IQSEC1: variants seen among roughly 807,000 people sequenced by gnomAD.
IQSEC1 encodes IQ motif and Sec7 domain ArfGEF 1.
A neutral mutation model predicts 91.0 loss-of-function variants in IQSEC1; 31 were observed. The observed-to-expected ratio is 0.34, with a 90% CI of 0.26 to 0.46. The LOEUF is 0.46. Ranked by LOEUF, IQSEC1 falls within the 20% of genes least tolerant of loss-of-function variation. IQSEC1 has a pLI of 1.00. For synonymous variants in IQSEC1, 699 were observed against 662.6 expected, an observed-to-expected ratio of 1.05 and a Z score of -0.84; for missense variants, 1,388 against 1,575.6, an observed-to-expected ratio of 0.88 and a Z score of 2.02.
chr3:12,937,021 C>T (rs901536588), intron 2 of IQSEC1, among the ~76,000 whole-genome samples: 1 of 152,066 alleles, frequency 6.6e-6, no homozygotes, highest in Non-Finnish European at 1.5e-5. Flanking sequence ...CAACCTCCGC[C>T]TCCTGGGTTC....
chr3:13,046,554 C>A (rs549320299), intron 1 of IQSEC1, among the ~76,000 whole-genome samples: 1 of 152,232 alleles, frequency 6.6e-6, no homozygotes, highest in Admixed American at 6.5e-5. Flanking sequence ...GGCCTACGAC[C>A]TTGTGAGTCT....
At position 13,147,145 on chromosome 3, in the gene IQSEC1, T is replaced by C. The variant is rs140819035; in HGVS notation, c.302+16959A>G. Reference sequence around the variant, plus strand: ...AGGCCTGCCCATGCCAAGCCACTGCTGCTGTCCTTTTAATGTTGTTATTAT... The same window carrying C: ...AGGCCTGCCCATGCCAAGCCACTGCCGCTGTCCTTTTAATGTTGTTATTAT... On this transcript the variant is annotated intron_variant, in intron 2 of 15. Coordinates refer to the IQSEC1 transcript ENST00000648114. Among the ~76,000 whole-genome samples the C allele has an allele frequency of 5.2e-3, 793 of 152,092 alleles. 9 individuals are homozygous for C. Among genetic ancestry groups the C allele is most frequent in the African/African-American group, 0.018 (760 of 41,318 alleles).
rs562857427 is a variant in IQSEC1, at chr3:13,193,404, G to A, written c.273-29271C>T. Among the ~76,000 whole-genome samples the A allele has an allele frequency of 6.6e-6, 1 of 152,346 alleles. No homozygotes were observed. The highest frequency in any genetic ancestry group is 1.5e-5 in the Non-Finnish European group (1 of 68,026). ...TTTTAAACTAGGAAGGTAAAGATCA[G>A]AGGTGGCTTGGAAAGAGCTCTCTGG... is the stretch of plus-strand genomic sequence containing the variant. On this transcript the variant is annotated intron_variant, in intron 1 of 15. Coordinates refer to the IQSEC1 transcript ENST00000648114. The surrounding 1 kb of genome is among the most constrained non-coding windows in gnomAD (Gnocchi z 4.2).
chr3:13,154,438 CAT>C (rs774589168), intron 2 of IQSEC1, among the ~76,000 whole-genome samples: 389 of 20,746 alleles, frequency 0.019, 36 homozygotes, highest in South Asian at 0.11. Flanking sequence ...AACTTACATG[CAT>C]ATATATATAT....
chr3:13,236,788 C>T (rs973096669), intron 1 of IQSEC1, among the ~76,000 whole-genome samples: 10 of 152,238 alleles, frequency 6.6e-5, no homozygotes, highest in African/African-American at 2.2e-4. Context: ...TGCCATCAGC[C>T]TCCAGCTGGC....
intron 2 of IQSEC1, among the ~76,000 whole-genome samples, chr3:13,134,352 G>A (rs1378368990): frequency 2.0e-5 from 3 of 152,234 alleles, no homozygotes; most frequent in Middle Eastern, 3.2e-3. Context: ...CCATACAGTG[G>A]GAGCCAGAGA....
rs1261655988 is a variant in IQSEC1, at chr3:12,924,189, T to C, written c.1730+392A>G. On this transcript the variant is annotated intron_variant, in intron 4 of 13. Coordinates refer to ENST00000613206, the MANE Select transcript of IQSEC1 (RefSeq NM_001134382.3). This position sits in a 1 kb window ranked among gnomAD's most constrained non-coding sequence, Gnocchi z 6.3. ...ACAGCCAGGCCAGGGGAAGAGGCCCTGACGTCCAGCTGCCTGCTCCTGCCA... is the reference window on the plus strand; with the variant it reads ...ACAGCCAGGCCAGGGGAAGAGGCCCCGACGTCCAGCTGCCTGCTCCTGCCA... 1.3e-5 allele frequency among the ~76,000 whole-genome samples: 2 copies of C among 152,156 alleles called. No individual in the cohort carries two copies. Among genetic ancestry groups the C allele is most frequent in the African/African-American group, 4.8e-5 (2 of 41,422 alleles).
intron 2 of IQSEC1, among the ~76,000 whole-genome samples, chr3:13,092,425 C>T (rs1705878819): frequency 6.6e-6 from 1 of 152,110 alleles, no homozygotes; most frequent in Non-Finnish European, 1.5e-5. Context: ...ACGCTGTTGA[C>T]CTGGCTCCTT....
intron 1 of IQSEC1, among the ~76,000 whole-genome samples, chr3:13,059,973 G>A (rs1705008675): frequency 6.6e-6 from 1 of 152,234 alleles, no homozygotes; most frequent in Non-Finnish European, 1.5e-5. Flanking sequence ...TTGGTGACGT[G>A]CTCAGCACTG....
chr3:13,028,903 G>GTCCT (rs1703733761), intron 1 of IQSEC1, among the ~76,000 whole-genome samples: 1 of 152,330 alleles, frequency 6.6e-6, no homozygotes, highest in South Asian at 2.1e-4. Flanking sequence ...CGGATCAGAA[G>GTCCT]TCCTGATTCT....
chr3:13,180,755 C>G (rs941222153), intron 1 of IQSEC1, among the ~76,000 whole-genome samples: 1 of 147,464 alleles, frequency 6.8e-6, no homozygotes, highest in African/African-American at 2.7e-5. Context: ...CCAGACGTGC[C>G]GCCTTAAGAG....
At chr3:13,170,997 G>A (rs1693596390) in intron 1 of IQSEC1, among the ~76,000 whole-genome samples, 1 of 152,174 alleles carries the variant, frequency 6.6e-6, no homozygotes, top group Non-Finnish European at 1.5e-5. Context: ...CTACTTGGGA[G>A]GCTGAGGCAG....
At chr3:12,927,342 G>A (rs1034681272) in intron 3 of IQSEC1, among the ~76,000 whole-genome samples, 3 of 151,746 alleles carry the variant, frequency 2.0e-5, no homozygotes, top group Admixed American at 2.0e-4. Flanking sequence ...CCACGGCAGT[G>A]AGTGGGGGAG....
intron 1 of IQSEC1, among the ~76,000 whole-genome samples, chr3:13,180,296 A>C (rs1238873069): frequency 1.3e-5 from 2 of 152,318 alleles, no homozygotes; most frequent in African/African-American, 4.8e-5. Context: ...CCCTGTGTCT[A>C]GCTCAGGGTT....
At position 12,908,055 on chromosome 3, in the gene IQSEC1, CA is replaced by C. The variant is rs1302830278; in HGVS notation, c.2755+293del. On this transcript the variant is annotated intron_variant, in intron 12 of 13. Transcript: ENST00000613206. This position sits in a 1 kb window ranked among gnomAD's most constrained non-coding sequence, Gnocchi z 4.9. ...CTCGGGCTAGAGCGACTTCCCAGAT[CA>C]ATAAACAAGTAAATAAAACCCCTGG... Among the ~76,000 whole-genome samples, 2 of 152,200 alleles carry C rather than the reference CA, an allele frequency of 1.3e-5. No individual in the cohort carries two copies. Among genetic ancestry groups the C allele is most frequent in the Non-Finnish European group, 2.9e-5 (2 of 68,030 alleles).
Position 12,924,578 on chromosome 3 carries a change from T to TA in IQSEC1, c.1730+2dup. 6.3e-7 allele frequency: 1 copy of TA among 1,591,498 alleles called. No homozygotes were observed. The highest frequency in any genetic ancestry group is 8.6e-7 in the Non-Finnish European group (1 of 1,165,720). On this transcript the variant is annotated splice_region_variant and intron_variant, in intron 4 of 13. Transcript: ENST00000613206. The surrounding 1 kb of genome is among the most constrained non-coding windows in gnomAD (Gnocchi z 6.3). The stretch of plus-strand genomic sequence containing the variant: ...TCCCCCACCACCCCCATGCAGAACT[T>TA]ACTCGAGCACGTCACGGTTGAACTG...
At chr3:13,151,737 G>A (rs540593683) in intron 2 of IQSEC1, among the ~76,000 whole-genome samples, 17 of 152,204 alleles carry the variant, frequency 1.1e-4, no homozygotes, top group African/African-American at 2.6e-4. Flanking sequence ...AGGCCGAGGC[G>A]GGAGGATCAC....
At chr3:12,976,956 G>T (rs2125568196) in intron 1 of IQSEC1, among the ~76,000 whole-genome samples, 1 of 151,946 alleles carries the variant, frequency 6.6e-6, no homozygotes, top group South Asian at 2.1e-4. Flanking sequence ...TGGAAAAATG[G>T]TTTTTCAAAA....
intron 1 of IQSEC1, among the ~76,000 whole-genome samples, chr3:12,947,696 C>T (rs891785383): frequency 4.6e-5 from 7 of 152,286 alleles, no homozygotes; most frequent in Admixed American, 3.9e-4. Context: ...CCAGAGAGCA[C>T]GTAAGGGCCT....
Sources: allele counts gnomAD v4.1 joint callset (sites outside exome capture counted in the v4.1 genomes callset), GRCh38; gene constraint gnomAD v4.1.1; non-coding constraint Gnocchi (gnomAD v3.1); transcripts MANE v1.5; gene names NCBI Gene and HGNC (gene_info 2026-07-23, HGNC 2026-07-21).